ATP8A2: variants seen among roughly 807,000 people sequenced by gnomAD.
The protein encoded by ATP8A2 is ATPase phospholipid transporting 8A2, also known as phospholipid-transporting ATPase IB.
Under a neutral mutation model 165.6 loss-of-function variants are expected in ATP8A2, and 100 were observed. The ratio of observed to expected loss-of-function variants is 0.60; its 90% CI spans 0.51 to 0.71. The LOEUF (loss-of-function observed/expected upper bound fraction) is 0.71. ATP8A2 is among the 30% of genes least tolerant of loss of function. ATP8A2 has a pLI of 0.00. For synonymous variants in ATP8A2, 543 were observed against 548.8 expected (o/e 0.99, Z 0.15); for missense variants, 1,227 against 1,479.5 (o/e 0.83, Z 2.80).
At chr13:25,708,131 C>G (rs1356797859) in intron 25 of ATP8A2, among the ~76,000 whole-genome samples, 1 of 152,048 alleles carries the variant, frequency 6.6e-6, no homozygotes, top group South Asian at 2.1e-4. Context: ...CAGGGTGATA[C>G]GAGGTCACAC....
At chr13:25,504,438 T>G (rs2036959074) in intron 2 of ATP8A2, among the ~76,000 whole-genome samples, 1 of 148,848 alleles carries the variant, frequency 6.7e-6, no homozygotes, top group African/African-American at 2.5e-5. Context: ...TTTTTTTTTT[T>G]TTTTAAAAAG....
At chr13:25,401,098 C>A (rs925532657) in intron 1 of ATP8A2, among the ~76,000 whole-genome samples, 1 of 152,046 alleles carries the variant, frequency 6.6e-6, no homozygotes, top group African/African-American at 2.4e-5. Context: ...GAAAATGAAC[C>A]AGATGTGCAG....
At chr13:25,722,454 C>T (rs2043402482) in intron 25 of ATP8A2, among the ~76,000 whole-genome samples, 1 of 152,214 alleles carries the variant, frequency 6.6e-6, no homozygotes, top group Non-Finnish European at 1.5e-5. Context: ...CATTATTGGC[C>T]TCAGCCTTGC....
intron 1 of ATP8A2, among the ~76,000 whole-genome samples, chr13:25,377,353 GC>G: frequency 6.6e-6 from 1 of 152,336 alleles, no homozygotes; most frequent in Non-Finnish European, 1.5e-5. Flanking sequence ...TCACTTCCAT[GC>G]CTTGGGAGTT....
chr13:25,956,505 G>A lies in ATP8A2; in HGVS notation c.3184-5070G>A, dbSNP rs141748549. Among the ~76,000 whole-genome samples the A allele has an allele frequency of 4.1e-4, 62 of 152,170 alleles. No individual in the cohort carries two copies. In the East Asian group the frequency reaches 0.01, roughly 25 times the overall value. ...ACAAACAGAGAACCAAATCATAAGCGAACTTCCATTCACAATTGCTACAAA... is the reference window on the plus strand; with the variant it reads ...ACAAACAGAGAACCAAATCATAAGCAAACTTCCATTCACAATTGCTACAAA... On this transcript the variant is annotated intron_variant, in intron 33 of 36. Transcript: ENST00000381655.
chr13:25,390,442 G>A (rs796241381), intron 1 of ATP8A2, among the ~76,000 whole-genome samples: 7 of 152,316 alleles, frequency 4.6e-5, no homozygotes, highest in African/African-American at 1.7e-4. Flanking sequence ...GTACAGTCAA[G>A]ATAGGGATTT....
chr13:25,563,962 G>A lies in ATP8A2; in HGVS notation c.1404G>A (p.Met468Ile). ...REPSSDDFCR[M>I]PPPCSDSCDF... ...TCTCTGTTCTCTCTTACAGTCGGAT[G>A]CCTCCTCCCTGTAGTGATTCCTGTG... The change falls in exon 16 of 37, where the codon ATG becomes ATA. Residue 468 changes from methionine (M) to isoleucine (I), a missense_variant. Around this residue, in one of 5 missense-constraint regions of ATP8A2, gnomAD observed 592 missense variants for 785.6 expected, o/e 0.75. Transcript: ENST00000381655. 1 of 1,610,872 alleles carries A rather than the reference G, an allele frequency of 6.2e-7. No homozygotes were observed. The highest frequency in any genetic ancestry group is 8.5e-7 in the Non-Finnish European group (1 of 1,177,054).
At chr13:25,518,871 C>T (rs1220658333) in intron 2 of ATP8A2, among the ~76,000 whole-genome samples, 2 of 152,218 alleles carry the variant, frequency 1.3e-5, no homozygotes, top group African/African-American at 4.8e-5. Flanking sequence ...AGATCCACCC[C>T]ATGAGTTGGG....
chr13:25,755,419 C>T (rs1458447746), intron 25 of ATP8A2, among the ~76,000 whole-genome samples: 1 of 152,150 alleles, frequency 6.6e-6, no homozygotes, highest in Admixed American at 6.5e-5. Context: ...CCCATTATTG[C>T]TGCAATCTGA....
intron 24 of ATP8A2, among the ~76,000 whole-genome samples, chr13:25,665,878 T>C (rs1165462885): frequency 6.7e-6 from 1 of 150,222 alleles, no homozygotes. Flanking sequence ...AAGCCTTATA[T>C]ATACTTATAA....
At position 25,624,945 on chromosome 13, in the gene ATP8A2, A is replaced by C. The variant is rs938252493; in HGVS notation, c.2211+35246A>C. Among the ~76,000 whole-genome samples, 2 of 152,226 alleles carry C rather than the reference A, an allele frequency of 1.3e-5. 1 individual carries two copies. Among genetic ancestry groups the C allele is most frequent in the South Asian group, 4.1e-4 (2 of 4,832 alleles). On this transcript the variant is annotated intron_variant, in intron 24 of 36. Coordinates refer to ENST00000381655, the MANE Select transcript of ATP8A2 (RefSeq NM_016529.6). ...CAGCTGAAATCTAAAAGTTTTTTAC[A>C]TAGGAATTATCTCTAAAGATATAAA... is the stretch of plus-strand genomic sequence containing the variant.
At chr13:25,615,813 C>G (rs1482101038) in intron 24 of ATP8A2, among the ~76,000 whole-genome samples, 2 of 152,146 alleles carry the variant, frequency 1.3e-5, no homozygotes, top group African/African-American at 4.8e-5. Flanking sequence ...ATAATCTGGA[C>G]CTTCAGGTTC....
intron 2 of ATP8A2, among the ~76,000 whole-genome samples, 181 bp downstream of exon 2, chr13:25,469,302 CA>C (rs1287296256): frequency 2.7e-5 from 4 of 149,800 alleles, no homozygotes; most frequent in African/African-American, 7.3e-5. Context: ...CCAGTAGGGT[CA>C]TGCGAATGCA....
chr13:25,886,361 G>A (rs1012434750), intron 33 of ATP8A2, among the ~76,000 whole-genome samples: 2 of 151,936 alleles, frequency 1.3e-5, no homozygotes, highest in African/African-American at 2.4e-5. Flanking sequence ...GTGTGGAAAC[G>A]GTGGCACTTG....
At chr13:25,609,582 T>TATTTGGGTTCAAATATATATATATATA (rs2040623672) in intron 24 of ATP8A2, among the ~76,000 whole-genome samples, 1 of 148,080 alleles carries the variant, frequency 6.8e-6, no homozygotes, top group Non-Finnish European at 1.5e-5. Flanking sequence ...TATATATATA[T>TATTTGGGTTCAAATATATATATATATA]TTGGGTTCAA....
At chr13:25,805,103 G>A (rs770605197) in intron 27 of ATP8A2, among the ~76,000 whole-genome samples, 21 of 152,030 alleles carry the variant, frequency 1.4e-4, no homozygotes, top group Non-Finnish European at 2.6e-4. Context: ...AACTTTTCTT[G>A]TTTGCATTCT....
chr13:25,480,828 G>A (rs1449515055), intron 2 of ATP8A2, among the ~76,000 whole-genome samples: 2 of 150,078 alleles, frequency 1.3e-5, no homozygotes, highest in African/African-American at 2.5e-5. Context: ...AGGTTGTAGC[G>A]AGCCGAGATC....
intron 27 of ATP8A2, among the ~76,000 whole-genome samples, chr13:25,787,926 T>A (rs1170732235): frequency 6.6e-6 from 1 of 152,088 alleles, no homozygotes; most frequent in Non-Finnish European, 1.5e-5. Flanking sequence ...GACGGAGGAG[T>A]TGGCCTGGTG....
chr13:25,433,270 CTTTTG>C (rs1005468513), intron 1 of ATP8A2, among the ~76,000 whole-genome samples: 1 of 151,916 alleles, frequency 6.6e-6, no homozygotes, highest in African/African-American at 2.4e-5. Context: ...TTTTCTTTTC[CTTTTG>C]TTTTGTTTTG....
Sources: allele counts gnomAD v4.1 joint callset (sites outside exome capture counted in the v4.1 genomes callset), GRCh38; gene constraint gnomAD v4.1.1; regional missense constraint gnomAD v4.1.1; transcripts MANE v1.5; gene names NCBI Gene and HGNC (gene_info 2026-07-23, HGNC 2026-07-21).